Variants in HTR2A observed in about 807,000 individuals in gnomAD.
The protein encoded by HTR2A is 5-HT2 receptor.
In HTR2A, 14 loss-of-function variants were observed where a neutral mutation model predicts 31.0. The observed-to-expected ratio is 0.45, with a 90% CI of 0.30 to 0.71. The LOEUF is 0.71. Ranked by LOEUF, HTR2A falls within the 30% of genes least tolerant of loss-of-function variation. The pLI is 0.09. For missense variants in HTR2A, 442 were observed against 573.3 expected (o/e 0.77, Z 2.34); for synonymous variants, 209 against 225.2 (o/e 0.93, Z 0.64).
rs2138336763 is a variant in HTR2A at position 46,835,163 on chromosome 13, C to T, written c.1090G>A (p.Val364Met). The T allele has an allele frequency of 1.2e-6, 2 of 1,614,096 alleles. No homozygotes were observed. Among genetic ancestry groups the T allele is most frequent in the East Asian group, 4.5e-5 (2 of 44,878 alleles). The change falls in exon 4 of 4, where the codon GTG becomes ATG. Residue 364 changes from valine to methionine, a missense_variant. This residue lies in a region of HTR2A where 174 missense variants were observed against 195.1 expected (regional missense o/e 0.89). Coordinates refer to ENST00000542664, the MANE Select transcript of HTR2A (RefSeq NM_000621.5). ...NEDVIGALLN[V>M]FVWIGYLSSA... ...GAGAGATAACCGATCCAAACAAACACATTGAGCAGGGCCCCAATGACATCC... is the reference window on the plus strand; with the variant it reads ...GAGAGATAACCGATCCAAACAAACATATTGAGCAGGGCCCCAATGACATCC...
At position 46,835,097 on chromosome 13, in the gene HTR2A, T is replaced by C; in HGVS notation, c.1156A>G (p.Thr386Ala). The C allele has an allele frequency of 6.2e-7, 1 of 1,614,100 alleles. No homozygotes were observed. The highest frequency in any genetic ancestry group is 8.5e-7 in the Non-Finnish European group (1 of 1,179,998). The change falls in exon 4 of 4, where the codon ACC becomes GCC. Residue 386 changes from threonine (T) to alanine (A), a missense_variant. By Grantham distance (58) the Thr-to-Ala change is moderately conservative. This residue lies in a region of HTR2A where 11 missense variants were observed against 31.3 expected (regional missense o/e 0.35). Coordinates refer to ENST00000542664, the MANE Select transcript of HTR2A (RefSeq NM_000621.5). ...NPLVYTLFNK[T>A]YRSAFSRYIQ... Reference sequence around the variant, plus strand: ...TACCGTGAAAAGGCTGACCTATAGGTCTTGTTGAACAGTGTGTAGACTAGT... The same window carrying C: ...TACCGTGAAAAGGCTGACCTATAGGCCTTGTTGAACAGTGTGTAGACTAGT...
At position 46,835,581 on chromosome 13, in the gene HTR2A, C is replaced by T. The variant is rs1566298347; in HGVS notation, c.672G>A (p.Glu224=). ...TATCATCGGCGAGTAAGCAACTCCC[C>T]TCCTTAAAGACCTTCGAATCGTCCT... ...GLQDDSKVFK[E]GSCLLADDNF... is the part of the protein sequence containing the mutation. The change falls in exon 4 of 4, where the codon GAG becomes GAA. Residue 224 remains glutamate, a synonymous_variant. Transcript: ENST00000542664. The T allele has an allele frequency of 1.2e-6, 2 of 1,613,924 alleles. No homozygotes were observed. The highest frequency in any genetic ancestry group is 1.7e-5 in the Admixed American group (1 of 59,978).
intron 3 of HTR2A, among the ~76,000 whole-genome samples, chr13:46,886,599 T>C (rs1951008366): frequency 6.6e-6 from 1 of 152,090 alleles, no homozygotes; most frequent in Non-Finnish European, 1.5e-5. Context: ...TAGAGTAATA[T>C]TAGTACCACA....
At chr13:46,847,470 G>T (rs1950651425) in intron 3 of HTR2A, among the ~76,000 whole-genome samples, 3 of 152,328 alleles carry the variant, frequency 2.0e-5, no homozygotes, top group Admixed American at 1.3e-4. Flanking sequence ...GGTAGGAAGG[G>T]TGTTGCTTGG....
In HTR2A at chr13:46,896,029, C is replaced by T. The variant is rs1951101499; in HGVS notation, c.-123G>A. The T allele has an allele frequency of 1.4e-6, 2 of 1,431,878 alleles. No individual in the cohort carries two copies. Among genetic ancestry groups the T allele is most frequent in the Non-Finnish European group, 1.8e-6 (2 of 1,100,300 alleles). The allele number at this position is 1,431,878 out of a possible 1,614,324, so 88.7% of individuals were successfully genotyped here. A position where few individuals can be genotyped will look rare whatever the true frequency, so the allele number is the denominator to read the frequency against. ...TGAGGCTGGTGTACATGCTGTTCTCCCGGGGCTGGATTTTTGTCTTCCATT... is the reference window on the plus strand; with the variant it reads ...TGAGGCTGGTGTACATGCTGTTCTCTCGGGGCTGGATTTTTGTCTTCCATT... On this transcript the variant is annotated 5_prime_UTR_variant, in exon 2 of 4. Coordinates refer to ENST00000542664, the MANE Select transcript of HTR2A (RefSeq NM_000621.5).
Position 46,861,200 on chromosome 13 carries a change from A to G in HTR2A, c.614-25561T>C, listed in dbSNP as rs75152857. ...GAGGGGAATGAGGAGAAAAGCTCAG[A>G]GGCAAGAAAAGGAGAAGAAATAAGA... On this transcript the variant is annotated intron_variant, in intron 3 of 3. Coordinates refer to ENST00000542664, the MANE Select transcript of HTR2A (RefSeq NM_000621.5). Among the ~76,000 whole-genome samples, 876 of 152,362 alleles carry G rather than the reference A, an allele frequency of 5.7e-3. 6 individuals are homozygous for G. Among genetic ancestry groups the G allele is most frequent in the Middle Eastern group, 0.031 (9 of 294 alleles).
intron 3 of HTR2A, among the ~76,000 whole-genome samples, chr13:46,878,902 TGAAAA>T (rs1950937596): frequency 6.6e-6 from 1 of 152,190 alleles, no homozygotes; most frequent in African/African-American, 2.4e-5. Context: ...TCAGAATTAC[TGAAAA>T]GAAAATGTCA....
chr13:46,857,724 A>G (rs1950748686), intron 3 of HTR2A, among the ~76,000 whole-genome samples: 1 of 152,238 alleles, frequency 6.6e-6, no homozygotes, highest in South Asian at 2.1e-4. Context: ...AATGAAATAA[A>G]TGCCCTGGAG....
intron 3 of HTR2A, among the ~76,000 whole-genome samples, chr13:46,845,734 G>A (rs1454258837): frequency 1.3e-5 from 2 of 151,636 alleles, no homozygotes; most frequent in East Asian, 3.9e-4. Context: ...AAATATATCT[G>A]CTTCTGCTTC....
chr13:46,844,083 G>T (rs1427588145), intron 3 of HTR2A, among the ~76,000 whole-genome samples: 2 of 152,010 alleles, frequency 1.3e-5, no homozygotes, highest in African/African-American at 4.8e-5. Context: ...ATTATACTGT[G>T]CTAGTTCACA....
intron 3 of HTR2A, among the ~76,000 whole-genome samples, chr13:46,879,429 A>C (rs892415547): frequency 1.3e-5 from 2 of 152,212 alleles, no homozygotes; most frequent in Admixed American, 6.5e-5. Context: ...GCTGCAGCCA[A>C]TGTTGCTTTG....
At chr13:46,893,232 G>C (rs188392689) in intron 2 of HTR2A, among the ~76,000 whole-genome samples, 113 of 152,264 alleles carry the variant, frequency 7.4e-4, no homozygotes, top group East Asian at 5.6e-3. Flanking sequence ...ATAAAGAAAG[G>C]TGTCCTTGCT....
At chr13:46,879,455 G>A (rs139840833) in intron 3 of HTR2A, among the ~76,000 whole-genome samples, 73 of 152,252 alleles carry the variant, frequency 4.8e-4, no homozygotes, top group African/African-American at 1.5e-3. Context: ...TGAATGAAAG[G>A]TGACAAAATA....
At chr13:46,889,875 TC>T (rs1951038006) in intron 3 of HTR2A, among the ~76,000 whole-genome samples, 1 of 152,248 alleles carries the variant, frequency 6.6e-6, no homozygotes, top group Non-Finnish European at 1.5e-5. Context: ...TTTTACATTT[TC>T]CGCTTGCCCC....
At chr13:46,861,978 A>G (rs138133251) in intron 3 of HTR2A, among the ~76,000 whole-genome samples, 1 of 152,222 alleles carries the variant, frequency 6.6e-6, no homozygotes, top group Non-Finnish European at 1.5e-5. Context: ...TTGTTTGTCT[A>G]TAAGATAGAA....
chr13:46,878,091 G>T (rs191207260), intron 3 of HTR2A, among the ~76,000 whole-genome samples: 6 of 152,310 alleles, frequency 3.9e-5, no homozygotes, highest in East Asian at 3.9e-4. Context: ...AAGAGTTTCA[G>T]TCAGGAGAGC....
rs1489934107 is a variant in HTR2A at position 46,834,258 on chromosome 13, C to T, written c.*579G>A. 1 of 152,562 alleles carries T rather than the reference C, an allele frequency of 6.6e-6. No homozygotes were observed. The highest frequency in any genetic ancestry group is 1.5e-5 in the Non-Finnish European group (1 of 68,026). 9.5% of individuals were successfully genotyped at this position (152,562 alleles called of 1,614,324 possible). On this transcript the variant is annotated 3_prime_UTR_variant, in exon 4 of 4. Coordinates refer to ENST00000542664, the MANE Select transcript of HTR2A (RefSeq NM_000621.5). ...CCTTGTGAATATTTCAAAATGGTAT[C>T]TATGAAAAAGCAGGAATGAAAAATG... is the stretch of plus-strand genomic sequence containing the variant.
In HTR2A at chr13:46,835,488, A is replaced by G; in HGVS notation, c.765T>C (p.Phe255=). The G allele has an allele frequency of 6.2e-7, 1 of 1,614,108 alleles. No homozygotes were observed. The highest frequency in any genetic ancestry group is 8.5e-7 in the Non-Finnish European group (1 of 1,179,986). The change falls in exon 4 of 4, where the codon TTT becomes TTC. Residue 255 remains phenylalanine, a synonymous_variant. Transcript: ENST00000542664. ...CTTTCTGGAGTGACTTGATAGTTAG[A>G]AAGTAGGTGATCACCATGATGGTTA... The part of the protein sequence containing the change: ...IPLTIMVITY[F]LTIKSLQKEA...
At chr13:46,838,785 G>T (rs963544222) in intron 3 of HTR2A, among the ~76,000 whole-genome samples, 1 of 152,236 alleles carries the variant, frequency 6.6e-6, no homozygotes, top group East Asian at 1.9e-4. Flanking sequence ...GTGTGATTTT[G>T]TTATTAAACT....
Sources: gnomAD v4.1 joint callset for allele counts (sites outside exome capture counted in the v4.1 genomes callset) on GRCh38, gnomAD v4.1.1 for gene constraint, gnomAD v4.1.1 regional missense constraint, MANE v1.5 for transcripts, NCBI Gene and HGNC (gene_info 2026-07-23, HGNC 2026-07-21) for gene names.